The following HMG20A variants were observed in gnomAD, a reference collection of about 807,000 sequenced individuals.
HMG20A encodes the protein high mobility group protein 20A.
HMG20A carries 17 observed loss-of-function variants against 43.9 expected under a neutral mutation model. The observed-to-expected ratio is 0.39, with a 90% CI of 0.27 to 0.58. The LOEUF (loss-of-function observed/expected upper bound fraction) is 0.58. HMG20A is among the 20% of genes least tolerant of loss of function. The pLI is 0.59. For missense variants in HMG20A, 341 were observed against 438.2 expected (o/e 0.78, Z 1.98); for synonymous variants, 132 against 147.5 (o/e 0.89, Z 0.76).
In HMG20A at chr15:77,459,204, A is replaced by G. The variant is rs184411840; in HGVS notation, c.89+708A>G. 1.3e-3 allele frequency among the ~76,000 whole-genome samples: 200 copies of G among 152,236 alleles called. 1 individual carries two copies. Among genetic ancestry groups the G allele is most frequent in the African/African-American group, 2.9e-3 (121 of 41,526 alleles). On this transcript the variant is annotated intron_variant, in intron 2 of 9. Transcript: ENST00000336216. ...CTTTGTAATTCTGTTTCCTTCCCTCACATTTATGTCTCACCTCGTTGATAT... is the reference window on the plus strand; with the variant it reads ...CTTTGTAATTCTGTTTCCTTCCCTCGCATTTATGTCTCACCTCGTTGATAT...
the HMG20A span, among the ~76,000 whole-genome samples, chr15:77,494,260 G>C: frequency 2.0e-5 from 3 of 152,128 alleles, no homozygotes; most frequent in African/African-American, 4.8e-5. Flanking sequence ...CTCCCAAGTA[G>C]TTAGGACTAC....
intron 1 of HMG20A, among the ~76,000 whole-genome samples, chr15:77,456,111 A>C (rs1412428732): frequency 6.6e-6 from 1 of 152,178 alleles, no homozygotes; most frequent in African/African-American, 2.4e-5. Context: ...AAAAGGAAAA[A>C]ATGTGTGTTC....
the HMG20A span, among the ~76,000 whole-genome samples, chr15:77,511,329 G>T: frequency 6.6e-6 from 1 of 152,134 alleles, no homozygotes; most frequent in African/African-American, 2.4e-5. Flanking sequence ...CACTGAGAAG[G>T]TCTGGGAGCA....
At chr15:77,434,974 C>T (rs746595340) in intron 1 of HMG20A, among the ~76,000 whole-genome samples, 4 of 152,032 alleles carry the variant, frequency 2.6e-5, no homozygotes, top group Non-Finnish European at 5.9e-5. Context: ...AAATGTCCAT[C>T]GAAATAGAAT....
At chr15:77,429,864 G>GA (rs1380156161) in intron 1 of HMG20A, among the ~76,000 whole-genome samples, 2 of 152,148 alleles carry the variant, frequency 1.3e-5, no homozygotes, top group Non-Finnish European at 2.9e-5. Context: ...AGAAAAAGTA[G>GA]AAAAACTAAT....
chr15:77,421,451 G>T (rs1265733897), intron 1 of HMG20A, among the ~76,000 whole-genome samples: 1 of 152,206 alleles, frequency 6.6e-6, no homozygotes, highest in Non-Finnish European at 1.5e-5. Flanking sequence ...GAATTCGAAA[G>T]CCCTTGTTAA....
At chr15:77,472,229 C>T (rs967410754) in intron 6 of HMG20A, among the ~76,000 whole-genome samples, 15 of 152,102 alleles carry the variant, frequency 9.9e-5, no homozygotes, top group African/African-American at 3.4e-4. Context: ...ACTACAATGT[C>T]GATAGAGCAC....
the HMG20A span, among the ~76,000 whole-genome samples, chr15:77,515,505 T>C: frequency 6.6e-6 from 1 of 152,074 alleles, no homozygotes; most frequent in African/African-American, 2.4e-5. Context: ...CACAGGCTGG[T>C]CTTGAAGTCC....
the HMG20A span, among the ~76,000 whole-genome samples, chr15:77,519,461 C>T: frequency 7.8e-4 from 119 of 152,302 alleles, no homozygotes; most frequent in African/African-American, 2.6e-3. Context: ...AACTTGATCC[C>T]CAGTGTGATA....
At chr15:77,492,420 T>A in the HMG20A span, among the ~76,000 whole-genome samples, 1 of 152,190 alleles carries the variant, frequency 6.6e-6, no homozygotes. Context: ...AATCAAAATG[T>A]AATTTCCCCC....
chr15:77,424,228 CAGACCATAGA>C (rs75066138), intron 1 of HMG20A, among the ~76,000 whole-genome samples: 2,524 of 152,258 alleles, frequency 0.017, 14 homozygotes, highest in Non-Finnish European at 0.026. Flanking sequence ...AATTTTTCTC[CAGACCATAGA>C]AGCCCCTGTG....
At chr15:77,442,303 A>G (rs563371486) in intron 1 of HMG20A, among the ~76,000 whole-genome samples, 126 of 152,270 alleles carry the variant, frequency 8.3e-4, no homozygotes, top group African/African-American at 2.9e-3. Flanking sequence ...ATATATTGCT[A>G]TATAGTGGAG....
the HMG20A span, among the ~76,000 whole-genome samples, chr15:77,512,312 C>T: frequency 1.3e-5 from 2 of 151,872 alleles, no homozygotes; most frequent in Non-Finnish European, 2.9e-5. Flanking sequence ...ATGAAGAGCC[C>T]TGGAGATGAA....
At chr15:77,477,445 C>G in intron 6 of HMG20A, 110 bp from the exon 7 acceptor site, 2 of 770,252 alleles carry the variant, frequency 2.6e-6, no homozygotes, top group Non-Finnish European at 4.4e-6. Flanking sequence ...TGGACTGATT[C>G]CTGCTCACCC....
chr15:77,439,896 T>C (rs1366113867), intron 1 of HMG20A, among the ~76,000 whole-genome samples: 1 of 152,178 alleles, frequency 6.6e-6, no homozygotes, highest in East Asian at 1.9e-4. Context: ...CTGTGTATTG[T>C]CATTTTTTTT....
At chr15:77,476,993 T>A (rs1419884299) in intron 6 of HMG20A, among the ~76,000 whole-genome samples, 3 of 152,244 alleles carry the variant, frequency 2.0e-5, no homozygotes, top group Non-Finnish European at 4.4e-5. Context: ...ATTTTTCCTG[T>A]GTCTAAAGAA....
At chr15:77,498,389 T>A in the HMG20A span, among the ~76,000 whole-genome samples, 2 of 152,198 alleles carry the variant, frequency 1.3e-5, no homozygotes, top group Non-Finnish European at 2.9e-5. Context: ...TTGTATTTAA[T>A]GGGGTGTTAA....
In HMG20A at chr15:77,478,472, A is replaced by G. The variant is rs998265588; in HGVS notation, c.869A>G (p.Gln290Arg). 15 of 1,611,576 alleles carry G rather than the reference A, an allele frequency of 9.3e-6. No homozygotes were observed. The highest frequency in any genetic ancestry group is 1.2e-5 in the Non-Finnish European group (14 of 1,180,022). The change falls in exon 8 of 10, where the codon CAG becomes CGG. Residue 290 changes from glutamine (Q) to arginine (R), a missense_variant. By Grantham distance (43) the Gln-to-Arg change is conservative. Around this residue, in one of 3 missense-constraint regions of HMG20A, gnomAD observed 118 missense variants for 154.5 expected, o/e 0.76. Coordinates refer to ENST00000336216, the MANE Select transcript of HMG20A (RefSeq NM_001304504.2). ...VLQQHLETLR[Q>R]VLTSSFASMP... ...CAGCAGCACCTGGAGACCCTGCGGC[A>G]GGTGCTGACCAGCAGCTTTGCCAGC...
At chr15:77,486,259 C>CT (rs71145843), downstream of HMG20A, among the ~76,000 whole-genome samples, 31,267 of 128,602 alleles carry the variant, frequency 0.24, 4,353 homozygotes, top group Middle Eastern at 0.36. Flanking sequence ...TAAATGCTTG[C>CT]TTTTTTTTTT....
Sources: allele counts gnomAD v4.1 joint callset (sites outside exome capture counted in the v4.1 genomes callset), GRCh38; gene constraint gnomAD v4.1.1; regional missense constraint gnomAD v4.1.1; transcripts MANE v1.5; gene names NCBI Gene and HGNC (gene_info 2026-07-23, HGNC 2026-07-21).